Variants in ADARB2 observed in about 807,000 individuals in gnomAD.
The protein encoded by ADARB2 is adenosine deaminase RNA specific B2 (inactive), also known as inactive double-stranded RNA-specific editase B2.
ADARB2 carries 25 observed loss-of-function variants against 62.2 expected under a neutral mutation model. The ratio of observed to expected loss-of-function variants is 0.40; its 90% CI spans 0.29 to 0.56. ADARB2 has a LOEUF of 0.56. ADARB2 is among the 20% of genes least tolerant of loss of function. ADARB2 has a pLI of 0.43. For synonymous variants in ADARB2, 572 were observed against 500.8 expected, an observed-to-expected ratio of 1.14 and a Z score of -1.90; for missense variants, 1,071 against 1,077.4, an observed-to-expected ratio of 0.99 and a Z score of 0.08.
At position 1,665,329 on chromosome 10, in the gene ADARB2, C is replaced by T. The variant is rs138619113; in HGVS notation, c.100+71722G>A. ...GAAATGCACGTGAGTGGGCGTTGTG[C>T]GCAGACACTGAGCGTGGCTGGGGGA... On this transcript the variant is annotated intron_variant, in intron 1 of 9. Coordinates refer to ENST00000381312, the MANE Select transcript of ADARB2 (RefSeq NM_018702.4). Among the ~76,000 whole-genome samples the T allele has an allele frequency of 1.1e-3, 163 of 152,370 alleles. 1 individual carries two copies. Among genetic ancestry groups the T allele is most frequent in the Non-Finnish European group, 1.7e-3 (117 of 68,040 alleles).
chr10:1,328,505 G>GT (rs59593427), intron 3 of ADARB2, among the ~76,000 whole-genome samples: 21 of 151,244 alleles, frequency 1.4e-4, no homozygotes, highest in East Asian at 7.8e-4. Flanking sequence ...CCCGCGTCCT[G>GT]TTTTTTTTTC....
intron 3 of ADARB2, among the ~76,000 whole-genome samples, chr10:1,280,305 T>A (rs1234525346): frequency 6.6e-6 from 1 of 152,208 alleles, no homozygotes; most frequent in African/African-American, 2.4e-5. Context: ...CCTGAGCGGC[T>A]CCCTTTCTGA....
At chr10:1,511,266 T>G (rs1175991621) in intron 1 of ADARB2, among the ~76,000 whole-genome samples, 1 of 152,230 alleles carries the variant, frequency 6.6e-6, no homozygotes, top group East Asian at 1.9e-4. Context: ...ACGGATAGAT[T>G]ATGTATCAGA....
chr10:1,223,594 C>T (rs1266262204), intron 6 of ADARB2, among the ~76,000 whole-genome samples: 2 of 152,094 alleles, frequency 1.3e-5, no homozygotes, highest in African/African-American at 4.8e-5. Flanking sequence ...TCAGATACGT[C>T]CCATCAATAC....
intron 1 of ADARB2, among the ~76,000 whole-genome samples, chr10:1,399,363 G>A (rs1243681464): frequency 6.6e-6 from 1 of 152,190 alleles, no homozygotes; most frequent in Non-Finnish European, 1.5e-5. Flanking sequence ...CAGATTTGCA[G>A]ATGAGACCCT....
In ADARB2 at chr10:1,261,493, A is replaced by G. The variant is rs1204238899; in HGVS notation, c.1192+9462T>C. 2.0e-5 allele frequency among the ~76,000 whole-genome samples: 3 copies of G among 150,470 alleles called. 1 individual carries two copies. Among genetic ancestry groups the G allele is most frequent in the African/African-American group, 7.5e-5 (3 of 39,750 alleles). ...CCCCATAAAAAAGTGGGCAAAGGAC[A>G]TGAACAGACACTTCTCAAAAGAAGA... is the stretch of plus-strand genomic sequence containing the variant. On this transcript the variant is annotated intron_variant, in intron 4 of 9. Coordinates refer to ENST00000381312, the MANE Select transcript of ADARB2 (RefSeq NM_018702.4).
At chr10:1,680,219 C>A (rs7072108) in intron 1 of ADARB2, among the ~76,000 whole-genome samples, 129,469 of 146,216 alleles carry the variant, frequency 0.89, 57,088 homozygotes, top group Admixed American at 0.94. Flanking sequence ...ACTGCCCTAC[C>A]TATTCTTTCC....
At chr10:1,462,223 C>G (rs946809023) in intron 1 of ADARB2, among the ~76,000 whole-genome samples, 1 of 152,114 alleles carries the variant, frequency 6.6e-6, no homozygotes, top group Non-Finnish European at 1.5e-5. Flanking sequence ...TCGGCCACAG[C>G]TCAGGGCTCT....
intron 1 of ADARB2, among the ~76,000 whole-genome samples, chr10:1,446,144 T>C (rs2820602): frequency 0.93 from 141,661 of 152,254 alleles, 65,925 homozygotes; most frequent in Admixed American, 0.95. Context: ...TGAAATAAGG[T>C]TGTGTTTTTG....
chr10:1,452,625 G>A (rs1455432015), intron 1 of ADARB2, among the ~76,000 whole-genome samples: 1 of 132,394 alleles, frequency 7.6e-6, no homozygotes, highest in Non-Finnish European at 1.6e-5. Flanking sequence ...GTTGGGGGGG[G>A]GAATATCACA....
At chr10:1,189,834 G>C (rs1234981771) in intron 8 of ADARB2, among the ~76,000 whole-genome samples, 3 of 90,222 alleles carry the variant, frequency 3.3e-5, no homozygotes, top group African/African-American at 1.1e-4. Context: ...CAGAACACGT[G>C]GCGCTACCTC....
rs566246579 is a variant in ADARB2 at position 1,547,245 on chromosome 10, G to A, written c.101-168085C>T. On this transcript the variant is annotated intron_variant, in intron 1 of 9. Coordinates refer to ENST00000381312, the MANE Select transcript of ADARB2 (RefSeq NM_018702.4). The stretch of plus-strand genomic sequence containing the variant: ...TGCAAGTCTATGCACTGTGTTGGGG[G>A]CAGAGGCTGCACTGGCGTATGCACT... 4.1e-4 allele frequency among the ~76,000 whole-genome samples: 60 copies of A among 145,846 alleles called. No homozygotes were observed. In the South Asian group the frequency reaches 0.012, roughly 30 times the overall value.
chr10:1,599,782 C>T (rs143278813), intron 1 of ADARB2, among the ~76,000 whole-genome samples: 2 of 152,020 alleles, frequency 1.3e-5, no homozygotes, highest in African/African-American at 4.8e-5. Flanking sequence ...GCTCTGTTGC[C>T]GAGGCTGGAG....
Position 1,203,482 on chromosome 10 carries a change from T to C in ADARB2, c.1683-3335A>G, listed in dbSNP as rs1837013174. The stretch of plus-strand genomic sequence containing the variant: ...TGTGAGGAGAAGTAACTCTCTAAAG[T>C]TACATGAAGCCTGCAGCAAAGTCCT... On this transcript the variant is annotated intron_variant, in intron 7 of 9. Coordinates refer to ENST00000381312, the MANE Select transcript of ADARB2 (RefSeq NM_018702.4). Among the ~76,000 whole-genome samples the C allele has an allele frequency of 4.6e-5, 7 of 152,334 alleles. No homozygotes were observed. The South Asian group carries it at 1.2e-3, about 27-fold the overall frequency.
chr10:1,365,738 T>C (rs1180132909), intron 2 of ADARB2, among the ~76,000 whole-genome samples: 4 of 152,196 alleles, frequency 2.6e-5, no homozygotes, highest in African/African-American at 9.7e-5. Context: ...ACACACACCT[T>C]ACTCAGCAAT....
At chr10:1,308,840 G>A (rs1306933812) in intron 3 of ADARB2, among the ~76,000 whole-genome samples, 1 of 152,178 alleles carries the variant, frequency 6.6e-6, no homozygotes, top group Non-Finnish European at 1.5e-5. Context: ...GATAAATAGA[G>A]CATGGAATGC....
chr10:1,591,650 GGC>G (rs1833255017), intron 1 of ADARB2, among the ~76,000 whole-genome samples: 2 of 62,698 alleles, frequency 3.2e-5, no homozygotes, highest in Admixed American at 4.3e-4. Flanking sequence ...TACACACAGA[GGC>G]GTGCACGCAC....
chr10:1,476,622 T>C (rs1340017993), intron 1 of ADARB2, among the ~76,000 whole-genome samples: 1 of 152,190 alleles, frequency 6.6e-6, no homozygotes, highest in African/African-American at 2.4e-5. Context: ...CTTCTTTTTA[T>C]AACTTCCCTA....
At chr10:1,687,714 T>C (rs1299333721) in intron 1 of ADARB2, among the ~76,000 whole-genome samples, 1 of 150,066 alleles carries the variant, frequency 6.7e-6, no homozygotes, top group Non-Finnish European at 1.5e-5. Flanking sequence ...GACCCCCGGG[T>C]CCAAGGCTGG....
Sources: allele counts gnomAD v4.1 joint callset (sites outside exome capture counted in the v4.1 genomes callset), GRCh38; gene constraint gnomAD v4.1.1; transcripts MANE v1.5; gene names NCBI Gene and HGNC (gene_info 2026-07-23, HGNC 2026-07-21).